The following NEK1 variants were observed in gnomAD, a reference collection of about 807,000 sequenced individuals.
NEK1 encodes the protein NIMA related kinase 1.
Under a neutral mutation model 182.1 loss-of-function variants are expected in NEK1, and 137 were observed. The observed-to-expected ratio is 0.75, with a 90% CI of 0.65 to 0.87. The LOEUF (loss-of-function observed/expected upper bound fraction) is 0.87, where lower values mean the gene tolerates loss of function less well. Ranked by LOEUF, NEK1 falls within the 40% of genes least tolerant of loss-of-function variation. The pLI is 0.00. For missense variants in NEK1, 1,391 were observed against 1,494.4 expected (o/e 0.93, Z 1.14); for synonymous variants, 513 against 492.2 (o/e 1.04, Z -0.56).
intron 29 of NEK1, among the ~76,000 whole-genome samples, chr4:169,429,351 T>A (rs1313535733): frequency 6.6e-6 from 1 of 152,174 alleles, no homozygotes; most frequent in East Asian, 1.9e-4. Flanking sequence ...ATGAAGGATC[T>A]GAAGAGTAGA....
rs902861871 is a variant in NEK1 at position 169,393,230 on chromosome 4, T to C, written c.*1280A>G. The C allele has an allele frequency of 2.6e-5, 4 of 152,160 alleles. No homozygotes were observed. The highest frequency in any genetic ancestry group is 5.9e-5 in the Non-Finnish European group (4 of 68,022). The allele number at this position is 152,160 out of a possible 1,614,324, so 9.4% of individuals were successfully genotyped here. ...TTATCAGCTTGATGTAAAAGCCTTC[T>C]ATTGAGAAAAGTAAAATAATAAATA... On this transcript the variant is annotated 3_prime_UTR_variant, in exon 36 of 36. Coordinates refer to ENST00000507142, the MANE Select transcript of NEK1 (RefSeq NM_001199397.3).
intron 31 of NEK1, among the ~76,000 whole-genome samples, chr4:169,422,481 T>C (rs1369295244): frequency 6.6e-6 from 1 of 152,088 alleles, no homozygotes; most frequent in African/African-American, 2.4e-5. Flanking sequence ...AAGGGGAATT[T>C]CCTCAATCAA....
At position 169,507,782 on chromosome 4, in the gene NEK1, T is replaced by C; in HGVS notation, c.1844A>G (p.Asn615Ser). Residue 615 changes from asparagine (N) to serine (S), a missense_variant, in exon 22 of 36, where the codon AAT becomes AGT. Asn to Ser is a conservative substitution (Grantham distance 46, BLOSUM62 1). Coordinates refer to ENST00000507142, the MANE Select transcript of NEK1 (RefSeq NM_001199397.3). ...AKLRGEKKEA[N>S]HSEGQEGSEE... is the part of the protein sequence containing the mutation. Reference sequence around the variant, plus strand: ...ACTTCCTTCTTGTCCTTCAGAATGATTAGCTTCTTTCTACAAAATAAGTAG... The same window carrying C: ...ACTTCCTTCTTGTCCTTCAGAATGACTAGCTTCTTTCTACAAAATAAGTAG... 1 of 1,612,458 alleles carries C rather than the reference T, an allele frequency of 6.2e-7. No individual in the cohort carries two copies. The highest frequency in any genetic ancestry group is 1.7e-4 in the Middle Eastern group (1 of 6,054).
At chr4:169,440,348 T>G in intron 27 of NEK1, among the ~76,000 whole-genome samples, 1 of 152,150 alleles carries the variant, frequency 6.6e-6, no homozygotes, top group East Asian at 1.9e-4. Flanking sequence ...AAAAATTTTT[T>G]TAAAGGGATA....
chr4:169,534,881 G>C (rs995442629), intron 19 of NEK1, among the ~76,000 whole-genome samples: 1 of 152,104 alleles, frequency 6.6e-6, no homozygotes, highest in African/African-American at 2.4e-5. Context: ...AATCAACAGA[G>C]ACTCAGAAAT....
At chr4:169,525,277 C>T (rs1006372053) in intron 19 of NEK1, among the ~76,000 whole-genome samples, 1 of 152,042 alleles carries the variant, frequency 6.6e-6, no homozygotes, top group African/African-American at 2.4e-5. Flanking sequence ...TACAGGCACG[C>T]ACCACCATGC....
chr4:169,602,078 T>TG lies in NEK1; in HGVS notation c.143dup (p.Arg49LysfsTer19). The stretch of plus-strand genomic sequence containing the variant: ...TTGCCAATACTGCAACTTCTCTCCT[T>TG]GATTCTTCTCTTTCTTTACTGGACA... On this transcript the variant is annotated frameshift_variant, in exon 4 of 36. Coordinates refer to ENST00000507142, the MANE Select transcript of NEK1 (RefSeq NM_001199397.3). LOFTEE classifies it high-confidence loss of function. 6.2e-7 allele frequency: 1 copy of TG among 1,613,088 alleles called. No individual in the cohort carries two copies. The highest frequency in any genetic ancestry group is 1.1e-5 in the South Asian group (1 of 91,070).
chr4:169,430,882 A>C (rs10017918), intron 29 of NEK1, among the ~76,000 whole-genome samples: 3 of 151,570 alleles, frequency 2.0e-5, no homozygotes, highest in African/African-American at 7.3e-5. Context: ...GAGGTATCTA[A>C]TAAGTCTATA....
At position 169,466,711 on chromosome 4, in the gene NEK1, C is replaced by T. The variant is rs527435957; in HGVS notation, c.2435-3316G>A. Among the ~76,000 whole-genome samples, 62 of 152,102 alleles carry T rather than the reference C, an allele frequency of 4.1e-4. No homozygotes were observed. In the Middle Eastern group the frequency reaches 0.01, roughly 25 times the overall value. ...TACTACAAAAAATCTTAAAGGAAGT[C>T]CTTCAGGCAGAAGAAAAATGATACA... On this transcript the variant is annotated intron_variant, in intron 26 of 35. Transcript: ENST00000507142.
At chr4:169,578,361 T>C (rs2150040945) in intron 11 of NEK1, among the ~76,000 whole-genome samples, 1 of 152,336 alleles carries the variant, frequency 6.6e-6, no homozygotes. Flanking sequence ...AGCAGCTTGC[T>C]TTCTTCCACT....
chr4:169,559,187 T>C (rs995552150), intron 16 of NEK1, among the ~76,000 whole-genome samples: 4 of 152,202 alleles, frequency 2.6e-5, no homozygotes, highest in Non-Finnish European at 5.9e-5. Flanking sequence ...AATACTGTAT[T>C]AGACATCATA....
intron 12 of NEK1, chr4:169,576,690 T>C: frequency 6.8e-6 from 2 of 294,318 alleles, no homozygotes; most frequent in Non-Finnish European, 1.3e-5. Flanking sequence ...TTATTTCATT[T>C]ATAATGTCAC....
chr4:169,611,334 T>C (rs1253014246), intron 2 of NEK1, among the ~76,000 whole-genome samples: 1 of 152,190 alleles, frequency 6.6e-6, no homozygotes, highest in East Asian at 1.9e-4. Flanking sequence ...ATATTTTAAG[T>C]GAAACAGATC....
intron 29 of NEK1, among the ~76,000 whole-genome samples, chr4:169,432,508 T>G (rs1172696194): frequency 6.6e-6 from 1 of 152,114 alleles, no homozygotes; most frequent in Admixed American, 6.6e-5. Context: ...TTCTACATAA[T>G]GGAATACTAA....
intron 12 of NEK1, among the ~76,000 whole-genome samples, chr4:169,568,488 CCTGA>C (rs1018288720): frequency 6.6e-6 from 1 of 151,972 alleles, no homozygotes; most frequent in East Asian, 1.9e-4. Flanking sequence ...ATCCAACCCA[CCTGA>C]CTGATTTCAT....
In NEK1 at chr4:169,463,360, T is replaced by C. The variant is rs771886898; in HGVS notation, c.2470A>G (p.Asn824Asp). 1 of 1,608,816 alleles carries C rather than the reference T, an allele frequency of 6.2e-7. No individual in the cohort carries two copies. The highest frequency in any genetic ancestry group is 1.3e-5 in the African/African-American group (1 of 74,744). ...TVGEVIKLGP[N>D]GSPRRAWGKS... is the part of the protein sequence containing the mutation. ...CCCCAGGCTCTTCTTGGAGATCCAT[T>C]AGGACCTAATTTAATAACTTCTCCC... Residue 824 changes from asparagine to aspartate, a missense_variant, in exon 27 of 36, where the codon AAT (asparagine) becomes GAT (aspartate). Around this residue, in one of 5 missense-constraint regions of NEK1, gnomAD observed 1,216 missense variants for 1,277.6 expected, o/e 0.95. Coordinates refer to ENST00000507142, the MANE Select transcript of NEK1 (RefSeq NM_001199397.3).
chr4:169,447,277 A>G (rs926349412), intron 27 of NEK1, among the ~76,000 whole-genome samples: 1 of 152,210 alleles, frequency 6.6e-6, no homozygotes, highest in African/African-American at 2.4e-5. Flanking sequence ...GTACTGAAGG[A>G]AAAAAACTTT....
intron 23 of NEK1, among the ~76,000 whole-genome samples, chr4:169,484,524 A>G (rs1215046053): frequency 1.3e-5 from 2 of 152,266 alleles, no homozygotes; most frequent in Non-Finnish European, 2.9e-5. Flanking sequence ...ACTGTAAATT[A>G]GAAAAGAAAA....
At chr4:169,506,861 C>T (rs975248007) in intron 23 of NEK1, 176 bp downstream of exon 23, 8 of 354,128 alleles carry the variant, frequency 2.3e-5, no homozygotes, top group South Asian at 1.2e-4. Flanking sequence ...TTCTTAAATG[C>T]GAGAGAGACA....
Sources: allele counts gnomAD v4.1 joint callset (sites outside exome capture counted in the v4.1 genomes callset), GRCh38; gene constraint gnomAD v4.1.1; regional missense constraint gnomAD v4.1.1; transcripts MANE v1.5; gene names NCBI Gene and HGNC (gene_info 2026-07-23, HGNC 2026-07-21).